The following PRDM2 variants were observed in gnomAD, a reference collection of about 807,000 sequenced individuals.
PRDM2 encodes PR/SET domain 2, also known as PR domain zinc finger protein 2.
In PRDM2, 30 loss-of-function variants were observed where a neutral mutation model predicts 130.0. The ratio of observed to expected loss-of-function variants is 0.23; its 90% confidence interval spans 0.17 to 0.31. The LOEUF is 0.31. PRDM2 is among the 10% of genes least tolerant of loss of function. The pLI, the probability that PRDM2 is intolerant of heterozygous loss-of-function variation, is 1.00. For missense variants in PRDM2, 2,011 were observed against 2,108.4 expected (o/e 0.95, Z 0.90); for synonymous variants, 871 against 782.4 (o/e 1.11, Z -1.89).
At chr1:13,761,008 C>T (rs924182640) in intron 6 of PRDM2, among the ~76,000 whole-genome samples, 7 of 152,360 alleles carry the variant, frequency 4.6e-5, no homozygotes, top group African/African-American at 1.7e-4. Context: ...ATAGCTACAT[C>T]GTGGCACTAA....
intron 3 of PRDM2, among the ~76,000 whole-genome samples, chr1:13,731,325 G>C (rs1643100596): frequency 6.6e-6 from 1 of 151,752 alleles, no homozygotes; most frequent in African/African-American, 2.4e-5. Flanking sequence ...CACACAAACA[G>C]ACACACACAC....
chr1:13,755,517 T>A (rs1643927273), intron 6 of PRDM2, among the ~76,000 whole-genome samples: 1 of 152,222 alleles, frequency 6.6e-6, no homozygotes, highest in Non-Finnish European at 1.5e-5. Context: ...ACAAGATCCT[T>A]ATAGTTAGTT....
At chr1:13,773,350 A>C in intron 7 of PRDM2, 162 bp downstream of exon 7, 1 of 420,374 alleles carries the variant, frequency 2.4e-6, no homozygotes, top group Non-Finnish European at 4.3e-6. Flanking sequence ...TGAGCCTTCT[A>C]TATGCTACCT....
chr1:13,801,410 C>T (rs1645005040), intron 8 of PRDM2, among the ~76,000 whole-genome samples: 3 of 150,298 alleles, frequency 2.0e-5, no homozygotes, highest in Admixed American at 1.3e-4. Context: ...CCTGTCTCCT[C>T]TTCTTAGGAA....
intron 7 of PRDM2, among the ~76,000 whole-genome samples, chr1:13,775,597 A>G (rs950980040): frequency 6.6e-6 from 1 of 152,240 alleles, no homozygotes; most frequent in Non-Finnish European, 1.5e-5. Context: ...GATGGGAAAC[A>G]GTAATTCCCG....
chr1:13,755,741 G>A (rs1044851391), intron 6 of PRDM2, among the ~76,000 whole-genome samples: 1 of 151,494 alleles, frequency 6.6e-6, no homozygotes, highest in Non-Finnish European at 1.5e-5. Flanking sequence ...CCTAATGTTC[G>A]TGGGAGCATT....
chr1:13,729,676 T>C (rs947324687), intron 2 of PRDM2, among the ~76,000 whole-genome samples: 1 of 152,198 alleles, frequency 6.6e-6, no homozygotes. Context: ...ATTGGCTATC[T>C]TATGTTTTGG....
At chr1:13,796,912 G>T (rs905841831) in intron 8 of PRDM2, among the ~76,000 whole-genome samples, 2 of 152,190 alleles carry the variant, frequency 1.3e-5, no homozygotes, top group Admixed American at 6.5e-5. Context: ...ACGAGTTAAA[G>T]AAATGATTTG....
intron 8 of PRDM2, among the ~76,000 whole-genome samples, chr1:13,791,242 T>G (rs1343236168): frequency 1.3e-5 from 2 of 152,188 alleles, no homozygotes; most frequent in African/African-American, 4.8e-5. Flanking sequence ...GAAATCTTCC[T>G]GGTGCAGCGA....
Position 13,780,789 on chromosome 1 carries a change from C to A in PRDM2, c.2994C>A (p.Pro998=), listed in dbSNP as rs377241293. Reference sequence around the variant, plus strand: ...TTCCTACCGTACCTCTTCCAGCCCCCTCTTCCAGTGCATCTCCACACCCAT... The same window carrying A: ...TTCCTACCGTACCTCTTCCAGCCCCATCTTCCAGTGCATCTCCACACCCAT... The part of the protein sequence containing the change: ...PLLPTVPLPA[P]SSSASPHPCP... The change falls in exon 8 of 10, where the codon CCC becomes CCA. Residue 998 remains proline, a synonymous_variant. Transcript: ENST00000311066. 1 of 1,584,172 alleles carries A rather than the reference C, an allele frequency of 6.3e-7. No homozygotes were observed. The highest frequency in any genetic ancestry group is 1.4e-5 in the African/African-American group (1 of 73,908).
chr1:13,782,913 C>CTTTTTTTTT, intron 8 of PRDM2, 82 bp downstream of exon 8: 1 of 1,448,742 alleles, frequency 6.9e-7, no homozygotes, highest in South Asian at 1.3e-5. Context: ...TTTCTTGTTG[C>CTTTTTTTTT]TTTTTTTTTT....
rs1195068055 is a variant in PRDM2 at position 13,816,523 on chromosome 1, C to G, written c.5133C>G (p.Phe1711Leu). The change falls in exon 9 of 10, where the codon TTC (phenylalanine) becomes TTG (leucine). Residue 1711 changes from phenylalanine (F) to leucine (L), a missense_variant. Phe to Leu is a conservative substitution (Grantham distance 22). Coordinates refer to ENST00000311066, the MANE Select transcript of PRDM2 (RefSeq NM_001393986.1). ...TCAAAGCTCCAGCTGCAGCCCAGTT[C>G]CAGGGACCATTCTTCAAAGAGTAGA... ...RKVKAPAAAQ[F>L]QGPFFKE 3 of 1,614,168 alleles carry G rather than the reference C, an allele frequency of 1.9e-6. No individual in the cohort carries two copies. Among genetic ancestry groups the G allele is most frequent in the Non-Finnish European group, 1.7e-6 (2 of 1,180,006 alleles).
At chr1:13,772,161 G>T (rs1191636923) in intron 6 of PRDM2, 1 of 152,142 alleles carries the variant, frequency 6.6e-6, no homozygotes, top group Non-Finnish European at 1.5e-5. Context: ...GAAGAATGGG[G>T]ATCTGTCTGG....
chr1:13,784,801 T>C (rs1415167234), intron 8 of PRDM2, among the ~76,000 whole-genome samples: 1 of 152,204 alleles, frequency 6.6e-6, no homozygotes, highest in Non-Finnish European at 1.5e-5. Context: ...TAGATGGTAA[T>C]GACAGGCATT....
intron 5 of PRDM2, among the ~76,000 whole-genome samples, chr1:13,744,622 G>A (rs1006620702): frequency 1.3e-5 from 2 of 152,238 alleles, no homozygotes. Flanking sequence ...ATAGTTTGTT[G>A]TGAAGGTTAA....
At chr1:13,770,369 G>T (rs1461095425) in intron 6 of PRDM2, 1 of 479,874 alleles carries the variant, frequency 2.1e-6, no homozygotes, top group South Asian at 1.5e-5. Flanking sequence ...GCATCTTAAT[G>T]GTATTAAGAT....
intron 7 of PRDM2, among the ~76,000 whole-genome samples, chr1:13,774,295 A>G (rs78698097): frequency 3.3e-5 from 5 of 152,328 alleles, no homozygotes; most frequent in Non-Finnish European, 7.3e-5. Flanking sequence ...ATTGCAGCTT[A>G]CTTGAGTTGT....
intron 6 of PRDM2, among the ~76,000 whole-genome samples, chr1:13,750,685 T>C (rs1380927689): frequency 6.6e-6 from 1 of 152,178 alleles, no homozygotes; most frequent in Non-Finnish European, 1.5e-5. Flanking sequence ...GAATATGCAT[T>C]GTCTATTTAT....
At chr1:13,794,868 A>G (rs1335220270) in intron 8 of PRDM2, among the ~76,000 whole-genome samples, 1 of 152,242 alleles carries the variant, frequency 6.6e-6, no homozygotes, top group Non-Finnish European at 1.5e-5. Context: ...AAAGCTCTCA[A>G]GTGGCCTGTA....
Sources: allele counts gnomAD v4.1 joint callset (sites outside exome capture counted in the v4.1 genomes callset), GRCh38; gene constraint gnomAD v4.1.1; transcripts MANE v1.5; gene names NCBI Gene and HGNC (gene_info 2026-07-23, HGNC 2026-07-21).